The following NFIB variants were observed in gnomAD, a reference collection of about 807,000 sequenced individuals.
NFIB encodes nuclear factor I B.
NFIB carries 11 observed loss-of-function variants against 61.5 expected under a neutral mutation model. The observed-to-expected ratio is 0.18, with a 90% CI of 0.11 to 0.30. The LOEUF is 0.30. Ranked by LOEUF, NFIB falls within the 10% of genes least tolerant of loss-of-function variation. The pLI is 1.00. For synonymous variants in NFIB, 260 were observed against 216.5 expected, an observed-to-expected ratio of 1.20 and a Z score of -1.76; for missense variants, 471 against 608.9, an observed-to-expected ratio of 0.77 and a Z score of 2.38.
intron 1 of NFIB, among the ~76,000 whole-genome samples, chr9:14,330,686 G>A (rs534947952): frequency 5.3e-5 from 8 of 152,170 alleles, no homozygotes; most frequent in African/African-American, 1.7e-4. Context: ...CACTCTCTAG[G>A]TTTTGCTCCC....
chr9:14,294,815 T>C (rs1293311269), intron 2 of NFIB, among the ~76,000 whole-genome samples: 2 of 152,204 alleles, frequency 1.3e-5, no homozygotes, highest in Non-Finnish European at 2.9e-5. Context: ...CCTACGTCAA[T>C]GTGACACGTG....
chr9:14,159,859 T>A (rs1563847973), intron 3 of NFIB, among the ~76,000 whole-genome samples: 1 of 152,214 alleles, frequency 6.6e-6, no homozygotes, highest in African/African-American at 2.4e-5. Flanking sequence ...TCCAAGGTCC[T>A]TGGGCCTTTC....
chr9:14,114,657 T>C (rs2037862185), intron 9 of NFIB, among the ~76,000 whole-genome samples: 1 of 152,194 alleles, frequency 6.6e-6, no homozygotes, highest in Non-Finnish European at 1.5e-5. Context: ...TATGTAAGTA[T>C]AAAAACAATT....
chr9:14,118,902 T>A (rs1446517293), intron 8 of NFIB, among the ~76,000 whole-genome samples: 1 of 151,784 alleles, frequency 6.6e-6, no homozygotes, highest in Non-Finnish European at 1.5e-5. Flanking sequence ...ATAAAGAAAT[T>A]GAAATATACG....
At chr9:14,427,937 G>GTCTTTTTTTTTTTT in the NFIB span, among the ~76,000 whole-genome samples, 1 of 43,384 alleles carries the variant, frequency 2.3e-5, no homozygotes, top group Non-Finnish European at 4.4e-5. Context: ...TAATTCAGTT[G>GTCTTTTTTTTTTTT]TTTTTTTTTT....
rs573734065 is a variant in NFIB, at chr9:14,372,122, C to T, written c.108+26402G>A. On this transcript the variant is annotated intron_variant, in intron 1 of 8. Transcript: ENST00000380934. The stretch of plus-strand genomic sequence containing the variant: ...GCCCTGCCAAAACTGTTTTTTTTTT[C>T]AAAGTGGAGATAGATATTTCCATAC... Among the ~76,000 whole-genome samples, 25 of 149,082 alleles carry T rather than the reference C, an allele frequency of 1.7e-4. 1 individual carries two copies. Among genetic ancestry groups the T allele is most frequent in the Middle Eastern group, 3.4e-3 (1 of 292 alleles).
intron 2 of NFIB, among the ~76,000 whole-genome samples, chr9:14,190,595 T>C (rs185681690): frequency 1.0e-3 from 157 of 152,286 alleles, no homozygotes; most frequent in African/African-American, 3.5e-3. Flanking sequence ...TAATGCATCA[T>C]TGAACCAACA....
intron 2 of NFIB, among the ~76,000 whole-genome samples, chr9:14,271,646 C>T (rs893672071): frequency 1.3e-5 from 2 of 152,034 alleles, no homozygotes; most frequent in Non-Finnish European, 2.9e-5. Context: ...GTGAAACTGA[C>T]GAAGAGGGAT....
chr9:14,384,741 A>T (rs755634850), intron 1 of NFIB, among the ~76,000 whole-genome samples: 1 of 152,042 alleles, frequency 6.6e-6, no homozygotes. Flanking sequence ...CTGAAATTCT[A>T]TTCATGGCCT....
the NFIB span, among the ~76,000 whole-genome samples, chr9:14,480,424 A>G: frequency 6.6e-6 from 1 of 152,290 alleles, no homozygotes; most frequent in East Asian, 1.9e-4. Flanking sequence ...ATGTGAAAGA[A>G]CTTGAGAGAT....
intron 2 of NFIB, among the ~76,000 whole-genome samples, chr9:14,243,113 T>C (rs1174417680): frequency 1.3e-5 from 2 of 152,168 alleles, no homozygotes; most frequent in Non-Finnish European, 2.9e-5. Context: ...TTAACCAAGT[T>C]TGAGAACATT....
At chr9:14,151,527 TG>T (rs2042873551) in intron 4 of NFIB, among the ~76,000 whole-genome samples, 1 of 152,070 alleles carries the variant, frequency 6.6e-6, no homozygotes, top group South Asian at 2.1e-4. Context: ...TCCAAATTAA[TG>T]ACATGATCCA....
intron 1 of NFIB, among the ~76,000 whole-genome samples, chr9:14,371,294 G>A (rs752201474): frequency 2.3e-4 from 35 of 152,160 alleles, no homozygotes; most frequent in Non-Finnish European, 4.3e-4. Context: ...TGTTGTAGGA[G>A]AAAACACTAG....
intron 2 of NFIB, among the ~76,000 whole-genome samples, chr9:14,242,157 T>C (rs757807195): frequency 3.9e-5 from 6 of 152,232 alleles, no homozygotes; most frequent in Non-Finnish European, 7.3e-5. Flanking sequence ...TAAACATAAC[T>C]AGTGAGTCTT....
chr9:14,285,217 G>C (rs2058631792), intron 2 of NFIB, among the ~76,000 whole-genome samples: 1 of 152,152 alleles, frequency 6.6e-6, no homozygotes, highest in Non-Finnish European at 1.5e-5. Context: ...CCACCTCCCA[G>C]GTTCAAGCGA....
intron 2 of NFIB, among the ~76,000 whole-genome samples, chr9:14,220,783 T>C (rs912127284): frequency 6.6e-5 from 10 of 150,916 alleles, no homozygotes; most frequent in Admixed American, 1.3e-4. Flanking sequence ...ATCAGCCCAG[T>C]GCAGATGAGG....
chr9:14,155,533 A>T (rs1448472976), intron 4 of NFIB, among the ~76,000 whole-genome samples: 1 of 152,172 alleles, frequency 6.6e-6, no homozygotes, highest in Non-Finnish European at 1.5e-5. Context: ...ACTTCCTTTG[A>T]TATAAATGGC....
chr9:14,429,204 A>G, the NFIB span, among the ~76,000 whole-genome samples: 5 of 152,208 alleles, frequency 3.3e-5, no homozygotes, highest in Admixed American at 1.3e-4. Flanking sequence ...TACAAAGAAC[A>G]TAGAACAAAG....
At chr9:14,254,445 T>C (rs535428212) in intron 2 of NFIB, among the ~76,000 whole-genome samples, 2 of 152,226 alleles carry the variant, frequency 1.3e-5, no homozygotes, top group Non-Finnish European at 2.9e-5. Flanking sequence ...TGACTTGATA[T>C]GGGCTTGCGT....
Sources: allele counts gnomAD v4.1 joint callset (sites outside exome capture counted in the v4.1 genomes callset), GRCh38; gene constraint gnomAD v4.1.1; transcripts MANE v1.5; gene names NCBI Gene and HGNC (gene_info 2026-07-23, HGNC 2026-07-21).